Variants in MAPK8 observed in about 807,000 individuals in gnomAD.
The protein encoded by MAPK8 is JUN N-terminal kinase.
A neutral mutation model predicts 52.9 loss-of-function variants in MAPK8; 13 were observed. That is an observed-to-expected ratio of 0.25 (90% CI 0.16 to 0.39). MAPK8 has a LOEUF of 0.39. MAPK8 is among the 10% of genes least tolerant of loss of function. The pLI is 1.00. For synonymous variants in MAPK8, 191 were observed against 169.8 expected (o/e 1.12, Z -0.97); for missense variants, 300 against 519.2 (o/e 0.58, Z 4.10).
intron 1 of MAPK8, among the ~76,000 whole-genome samples, chr10:48,346,192 A>G (rs1369756986): frequency 2.6e-5 from 4 of 152,260 alleles, no homozygotes; most frequent in Admixed American, 6.5e-5. Flanking sequence ...ATAATAAAAT[A>G]TAAAACAAGA....
chr10:48,407,962 C>T (rs1199878881), intron 3 of MAPK8, among the ~76,000 whole-genome samples: 1 of 152,190 alleles, frequency 6.6e-6, no homozygotes, highest in Non-Finnish European at 1.5e-5. Context: ...TTATTTAGAG[C>T]AGCCAGATGC....
chr10:48,356,084 TCAGA>T (rs748117802), intron 1 of MAPK8, among the ~76,000 whole-genome samples: 15 of 152,152 alleles, frequency 9.9e-5, no homozygotes, highest in East Asian at 1.9e-4. Context: ...AAAGTGACTC[TCAGA>T]CAGGAGGCCA....
At chr10:48,399,397 A>G (rs2590390) in intron 1 of MAPK8, among the ~76,000 whole-genome samples, 5,559 of 152,240 alleles carry the variant, frequency 0.037, 286 homozygotes, top group African/African-American at 0.11. Context: ...CAAGGGTACT[A>G]CTAGCTGGGG....
At chr10:48,308,084 A>AT (rs538579908) in intron 1 of MAPK8, 5 of 152,098 alleles carry the variant, frequency 3.3e-5, no homozygotes, top group African/African-American at 7.2e-5. Flanking sequence ...TCTAAATTTT[A>AT]TTTTTTCCAG....
chr10:48,426,041 C>T lies in MAPK8; in HGVS notation c.842C>T (p.Pro281Leu). Residue 281 changes from proline to leucine, a missense_variant, in exon 8 of 12, where the codon CCA becomes CTA. Around this residue, in one of 3 missense-constraint regions of MAPK8, gnomAD observed 147 missense variants for 328.1 expected, o/e 0.45. Coordinates refer to ENST00000374189, the MANE Select transcript of MAPK8 (RefSeq NM_001323329.2). Reference sequence around the variant, plus strand: ...AAACTCTTCCCTGATGTCCTTTTCCCAGCTGACTCAGAACACAACAAACTT... The same window carrying T: ...AAACTCTTCCCTGATGTCCTTTTCCTAGCTGACTCAGAACACAACAAACTT... ...FEKLFPDVLF[P>L]ADSEHNKLKA... is the part of the protein sequence containing the mutation. 6.2e-7 allele frequency: 1 copy of T among 1,611,880 alleles called. No homozygotes were observed. Among genetic ancestry groups the T allele is most frequent in the Non-Finnish European group, 8.5e-7 (1 of 1,179,070 alleles).
Position 48,435,068 on chromosome 10 carries a change from G to A in MAPK8, c.*39G>A, listed in dbSNP as rs192957799. ...CGGGGGGTGGGAGGGATGGGGAGTC[G>A]GTTAGTCATTGATAGAACTACTTTG... On this transcript the variant is annotated 3_prime_UTR_variant, in exon 12 of 12. Coordinates refer to ENST00000374189, the MANE Select transcript of MAPK8 (RefSeq NM_001323329.2). The A allele has an allele frequency of 6.9e-6, 10 of 1,455,896 alleles. No individual in the cohort carries two copies. The highest frequency in any genetic ancestry group is 1.9e-4 in the Middle Eastern group (1 of 5,134). The allele number at this position is 1,455,896 out of a possible 1,614,324, so 90.2% of individuals were successfully genotyped here.
At chr10:48,372,559 C>T (rs1477703118) in intron 1 of MAPK8, among the ~76,000 whole-genome samples, 2 of 151,636 alleles carry the variant, frequency 1.3e-5, no homozygotes, top group African/African-American at 2.4e-5. Flanking sequence ...AAACACAGCA[C>T]GAGAACTTTG....
intron 5 of MAPK8, among the ~76,000 whole-genome samples, chr10:48,415,770 A>G (rs1299805810): frequency 6.6e-6 from 1 of 152,180 alleles, no homozygotes; most frequent in Non-Finnish European, 1.5e-5. Context: ...ACAATTATAC[A>G]TGAAGTAGGG....
At chr10:48,413,760 C>T (rs1037031849) in intron 5 of MAPK8, among the ~76,000 whole-genome samples, 3 of 133,904 alleles carry the variant, frequency 2.2e-5, no homozygotes, top group Non-Finnish European at 4.6e-5. Flanking sequence ...CCAGTCATTC[C>T]AAATTGGGAA....
intron 1 of MAPK8, among the ~76,000 whole-genome samples, chr10:48,392,640 T>C (rs936775899): frequency 7.9e-5 from 12 of 152,096 alleles, no homozygotes; most frequent in African/African-American, 2.9e-4. Context: ...GAAACCTATT[T>C]TCTTTCTCAT....
chr10:48,349,532 A>G (rs1846103338), intron 1 of MAPK8, among the ~76,000 whole-genome samples: 1 of 152,250 alleles, frequency 6.6e-6, no homozygotes, highest in Admixed American at 6.5e-5. Context: ...TGGGTAAATA[A>G]TGAAATTAAG....
intron 1 of MAPK8, among the ~76,000 whole-genome samples, chr10:48,372,133 A>G (rs899753588): frequency 6.6e-6 from 1 of 152,058 alleles, no homozygotes; most frequent in Non-Finnish European, 1.5e-5. Flanking sequence ...TATCGACTCA[A>G]CCTTCAGCTC....
At chr10:48,348,603 A>G (rs1054041839) in intron 1 of MAPK8, among the ~76,000 whole-genome samples, 6 of 152,184 alleles carry the variant, frequency 3.9e-5, no homozygotes, top group African/African-American at 1.2e-4. Context: ...TTTTCTGCAT[A>G]TGACTAGCCA....
chr10:48,311,029 T>A (rs956538095), intron 1 of MAPK8, among the ~76,000 whole-genome samples: 9 of 152,010 alleles, frequency 5.9e-5, no homozygotes, highest in Non-Finnish European at 1.3e-4. Context: ...TATAGGCTAG[T>A]TCAGGTTATA....
At chr10:48,410,515 C>A (rs535005964) in intron 5 of MAPK8, among the ~76,000 whole-genome samples, 2 of 152,246 alleles carry the variant, frequency 1.3e-5, no homozygotes, top group South Asian at 4.1e-4. Context: ...ATTCTATATA[C>A]CATATTTCGT....
intron 1 of MAPK8, among the ~76,000 whole-genome samples, chr10:48,351,744 A>C (rs1308586274): frequency 6.6e-6 from 1 of 152,194 alleles, no homozygotes; most frequent in Non-Finnish European, 1.5e-5. Context: ...GGAGTAAAAT[A>C]AGAGATACAG....
At chr10:48,382,156 C>T (rs777435675) in intron 1 of MAPK8, among the ~76,000 whole-genome samples, 41 of 152,148 alleles carry the variant, frequency 2.7e-4, no homozygotes, top group Non-Finnish European at 4.9e-4. Flanking sequence ...AAGCATCAAA[C>T]ATATCACAGA....
intron 1 of MAPK8, among the ~76,000 whole-genome samples, chr10:48,385,482 G>A (rs1292648140): frequency 6.6e-6 from 1 of 152,098 alleles, no homozygotes; most frequent in African/African-American, 2.4e-5. Context: ...CCAGAAAATC[G>A]TAAATCCCTT....
At position 48,312,839 on chromosome 10, in the gene MAPK8, A is replaced by G. The variant is rs138969400; in HGVS notation, c.-50+6018A>G. Among the ~76,000 whole-genome samples, 1,075 of 152,340 alleles carry G rather than the reference A, an allele frequency of 7.1e-3. 11 individuals are homozygous for G. The highest frequency in any genetic ancestry group is 0.025 in the African/African-American group (1,032 of 41,570). ...TTATATTTTGACTAAGTAGTAATGA[A>G]TTCACTTTGACTCAAAATTCCAAAG... On this transcript the variant is annotated intron_variant, in intron 1 of 11. Transcript: ENST00000374189.
Sources: allele counts gnomAD v4.1 joint callset (sites outside exome capture counted in the v4.1 genomes callset), GRCh38; gene constraint gnomAD v4.1.1; regional missense constraint gnomAD v4.1.1; transcripts MANE v1.5; gene names NCBI Gene and HGNC (gene_info 2026-07-23, HGNC 2026-07-21).